CDYL2: variants seen among roughly 807,000 people sequenced by gnomAD.
CDYL2 encodes the protein chromodomain Y like 2, also known as chromodomain Y-like protein 2.
CDYL2 carries 23 observed loss-of-function variants against 49.4 expected under a neutral mutation model. The ratio of observed to expected loss-of-function variants is 0.47; its 90% confidence interval spans 0.34 to 0.66. The LOEUF (loss-of-function observed/expected upper bound fraction) is 0.66. CDYL2 is among the 30% of genes least tolerant of loss of function. The pLI, the probability that CDYL2 is intolerant of heterozygous loss-of-function variation, is 0.01. For missense variants in CDYL2, 678 were observed against 656.4 expected (o/e 1.03, Z -0.36); for synonymous variants, 360 against 268.8 (o/e 1.34, Z -3.32).
intron 3 of CDYL2, chr16:80,627,850 A>T (rs1050393686): frequency 2.4e-4 from 36 of 152,194 alleles, no homozygotes; most frequent in African/African-American, 7.7e-4. Flanking sequence ...TGCCCTCATT[A>T]TGCACTTCCT....
chr16:80,702,153 C>T (rs1391119130), intron 1 of CDYL2, among the ~76,000 whole-genome samples: 4 of 150,030 alleles, frequency 2.7e-5, no homozygotes, highest in African/African-American at 9.9e-5. Flanking sequence ...AAAATTAATT[C>T]CAAGAGGTTC....
intron 1 of CDYL2, among the ~76,000 whole-genome samples, chr16:80,699,010 A>T (rs1482412517): frequency 6.6e-6 from 1 of 152,220 alleles, no homozygotes; most frequent in Non-Finnish European, 1.5e-5. Context: ...AACAAAAACT[A>T]ACAAATGCTG....
intron 1 of CDYL2, among the ~76,000 whole-genome samples, chr16:80,694,490 TAA>T (rs34414169): frequency 2.0e-5 from 3 of 151,514 alleles, no homozygotes; most frequent in Admixed American, 2.0e-4. Flanking sequence ...CTCACTGGCT[TAA>T]AAAAAAAGCT....
chr16:80,676,963 ATTTTTTT>A (rs35188796), intron 2 of CDYL2, among the ~76,000 whole-genome samples: 137 of 60,090 alleles, frequency 2.3e-3, no homozygotes, highest in African/African-American at 6.0e-3. Context: ...AATTCAATGT[ATTTTTTT>A]TTTTTTTTTT....
intron 1 of CDYL2, among the ~76,000 whole-genome samples, chr16:80,717,700 C>G (rs972291430): frequency 6.6e-6 from 1 of 152,132 alleles, no homozygotes; most frequent in Non-Finnish European, 1.5e-5. Context: ...AGACAAGGCC[C>G]CTGTCCTTGG....
chr16:80,700,932 C>T (rs1597085578), intron 1 of CDYL2, among the ~76,000 whole-genome samples: 1 of 152,200 alleles, frequency 6.6e-6, no homozygotes, highest in South Asian at 2.1e-4. Flanking sequence ...GTTGTAACGC[C>T]GTGCAGCTAA....
chr16:80,645,654 T>C (rs1363266672), intron 2 of CDYL2, among the ~76,000 whole-genome samples: 1 of 152,186 alleles, frequency 6.6e-6, no homozygotes, highest in Non-Finnish European at 1.5e-5. Flanking sequence ...CAAAGGATTA[T>C]AAATCATGCT....
At chr16:80,646,697 G>A (rs1284503463) in intron 2 of CDYL2, among the ~76,000 whole-genome samples, 4 of 152,136 alleles carry the variant, frequency 2.6e-5, no homozygotes, top group Non-Finnish European at 4.4e-5. Flanking sequence ...GCTGAGGCAG[G>A]AGAATTGCTT....
intron 2 of CDYL2, among the ~76,000 whole-genome samples, chr16:80,679,119 G>A (rs746667712): frequency 9.0e-6 from 1 of 110,812 alleles, no homozygotes; most frequent in Non-Finnish European, 1.8e-5. Context: ...TTGTGGGGTG[G>A]GGGGAGGGGG....
At chr16:80,629,021 G>T (rs149059901) in intron 3 of CDYL2, among the ~76,000 whole-genome samples, 2 of 152,334 alleles carry the variant, frequency 1.3e-5, no homozygotes, top group Non-Finnish European at 2.9e-5. Flanking sequence ...CCCGGGGCAG[G>T]TGTAAGCATG....
intron 5 of CDYL2, among the ~76,000 whole-genome samples, chr16:80,608,826 G>A (rs536189609): frequency 1.3e-5 from 2 of 152,284 alleles, no homozygotes; most frequent in East Asian, 1.9e-4. Flanking sequence ...AAGAGAAAGA[G>A]AGAGAGACCT....
intron 2 of CDYL2, among the ~76,000 whole-genome samples, chr16:80,645,770 T>C (rs1908312702): frequency 6.6e-6 from 1 of 151,450 alleles, no homozygotes. Flanking sequence ...ATTAAGAAAA[T>C]GTGGCACATA....
At chr16:80,679,291 T>C (rs7499157) in intron 2 of CDYL2, among the ~76,000 whole-genome samples, 9,791 of 150,866 alleles carry the variant, frequency 0.065, 738 homozygotes, top group African/African-American at 0.18. Context: ...AATAAATAAA[T>C]AAACAAACAA....
intron 1 of CDYL2, among the ~76,000 whole-genome samples, chr16:80,757,567 T>C (rs867473865): frequency 1.5e-4 from 23 of 150,092 alleles, no homozygotes; most frequent in South Asian, 8.4e-4. Flanking sequence ...TATATATATA[T>C]ACACACACAC....
chr16:80,692,858 C>T (rs972102791), intron 1 of CDYL2, among the ~76,000 whole-genome samples: 9 of 152,256 alleles, frequency 5.9e-5, no homozygotes, highest in Middle Eastern at 3.4e-3. Context: ...AAAGAACACA[C>T]GCCCATAAAA....
At position 80,599,893 on chromosome 16, in the gene CDYL2, G is replaced by C. The variant is rs1906006303; in HGVS notation, c.*4495C>G. On this transcript the variant is annotated 3_prime_UTR_variant, in exon 7 of 7. Coordinates refer to ENST00000570137, the MANE Select transcript of CDYL2 (RefSeq NM_152342.4). ...AGACAATCACCAAGGTGTCTATCTG[G>C]TCCCTGCCGCCATCAACTCAATCAA... 2 of 152,252 alleles carry C rather than the reference G, an allele frequency of 1.3e-5. No individual in the cohort carries two copies. The highest frequency in any genetic ancestry group is 2.1e-4 in the South Asian group (1 of 4,818). 9.4% of individuals were successfully genotyped at this position (152,252 alleles called of 1,614,324 possible).
intron 1 of CDYL2, among the ~76,000 whole-genome samples, chr16:80,696,428 T>C (rs190778954): frequency 4.6e-5 from 7 of 151,970 alleles, no homozygotes; most frequent in Admixed American, 3.3e-4. Context: ...AGGTCAACAA[T>C]ACAGTTTTTT....
chr16:80,691,943 G>A (rs557250931), intron 1 of CDYL2, among the ~76,000 whole-genome samples: 1 of 152,234 alleles, frequency 6.6e-6, no homozygotes, highest in African/African-American at 2.4e-5. Flanking sequence ...GAACCAACAT[G>A]CGGGAAATCA....
chr16:80,719,568 G>C (rs923385200), intron 1 of CDYL2, among the ~76,000 whole-genome samples: 1 of 152,184 alleles, frequency 6.6e-6, no homozygotes, highest in Non-Finnish European at 1.5e-5. Flanking sequence ...TCTGCAGGCA[G>C]TTCCTGCTTC....
Sources: allele counts gnomAD v4.1 joint callset (sites outside exome capture counted in the v4.1 genomes callset), GRCh38; gene constraint gnomAD v4.1.1; transcripts MANE v1.5; gene names NCBI Gene and HGNC (gene_info 2026-07-23, HGNC 2026-07-21).